The following QTMAN variants were observed in gnomAD, a reference collection of about 807,000 sequenced individuals.
The protein encoded by QTMAN is queuosine-tRNA mannosyltransferase.
chr2:143,994,009 G>C, the QTMAN span, among the ~76,000 whole-genome samples: 2 of 152,090 alleles, frequency 1.3e-5, no homozygotes, highest in African/African-American at 4.8e-5. Flanking sequence ...GGCTCCTAAA[G>C]GTTATACATT....
At chr2:143,970,732 A>T in the QTMAN span, 2 of 1,600,802 alleles carry the variant, frequency 1.2e-6, no homozygotes, top group Admixed American at 1.7e-5. Context: ...TTAATACCTT[A>T]AAAAAGCTTT....
chr2:144,326,047 G>T, the QTMAN span, among the ~76,000 whole-genome samples: 1 of 152,094 alleles, frequency 6.6e-6, no homozygotes. Flanking sequence ...GCATTTAAAG[G>T]CCTTTTAATG....
chr2:144,248,730 TAA>T, the QTMAN span, among the ~76,000 whole-genome samples: 3 of 151,380 alleles, frequency 2.0e-5, no homozygotes, highest in South Asian at 2.1e-4. Context: ...ACAATCTGAG[TAA>T]AGTCTTTTTT....
At chr2:144,177,471 G>A in the QTMAN span, among the ~76,000 whole-genome samples, 17 of 152,058 alleles carry the variant, frequency 1.1e-4, no homozygotes, top group South Asian at 3.1e-3. Context: ...ATGCCTATAC[G>A]ACAGCAAAGT....
At chr2:144,094,436 T>A in the QTMAN span, among the ~76,000 whole-genome samples, 1 of 152,232 alleles carries the variant, frequency 6.6e-6, no homozygotes, top group Non-Finnish European at 1.5e-5. Context: ...TATCCAAGAC[T>A]GAGTAATTTC....
chr2:144,182,840 T>TATTATATGTATATGTAATA, the QTMAN span, among the ~76,000 whole-genome samples: 1 of 64,524 alleles, frequency 1.5e-5, no homozygotes, highest in African/African-American at 6.5e-5. Context: ...TATATATATA[T>TATTATATGTATATGTAATA]TATATATATA....
At chr2:143,942,885 T>C in the QTMAN span, 1 of 155,772 alleles carries the variant, frequency 6.4e-6, no homozygotes, top group African/African-American at 2.4e-5. Flanking sequence ...GATAGCCTGA[T>C]AGCAAAACTA....
At chr2:144,134,924 C>A in the QTMAN span, among the ~76,000 whole-genome samples, 36 of 151,900 alleles carry the variant, frequency 2.4e-4, 1 homozygote, top group African/African-American at 8.5e-4. Flanking sequence ...AAAATTTTAA[C>A]TTTTTCCATA....
the QTMAN span, among the ~76,000 whole-genome samples, chr2:144,126,433 A>G: frequency 9.2e-5 from 14 of 151,956 alleles, no homozygotes; most frequent in Non-Finnish European, 1.8e-4. Context: ...AACCACTGCT[A>G]TGAGCTATAT....
At chr2:144,198,226 A>C in the QTMAN span, among the ~76,000 whole-genome samples, 2 of 152,140 alleles carry the variant, frequency 1.3e-5, no homozygotes, top group African/African-American at 4.8e-5. Flanking sequence ...TAAAAAAAAA[A>C]AACAAAATAC....
the QTMAN span, among the ~76,000 whole-genome samples, chr2:144,282,152 T>C: frequency 1.3e-5 from 2 of 152,140 alleles, no homozygotes; most frequent in Non-Finnish European, 2.9e-5. Flanking sequence ...ACATTATTAA[T>C]AGTTTCTAAA....
chr2:143,991,333 C>T, the QTMAN span, among the ~76,000 whole-genome samples: 1 of 152,084 alleles, frequency 6.6e-6, no homozygotes. Flanking sequence ...AAGACAAAGA[C>T]AAGATCTTTA....
chr2:143,987,315 A>G, the QTMAN span, among the ~76,000 whole-genome samples: 1 of 152,174 alleles, frequency 6.6e-6, no homozygotes, highest in Non-Finnish European at 1.5e-5. Flanking sequence ...AAAGACAAAC[A>G]CTATTTCCAT....
the QTMAN span, among the ~76,000 whole-genome samples, chr2:144,126,286 A>T: frequency 6.9e-6 from 1 of 145,320 alleles, no homozygotes; most frequent in Non-Finnish European, 1.5e-5. Context: ...TTGTGAACTT[A>T]AAAAAAAAAA....
chr2:144,048,676 G>A, the QTMAN span, among the ~76,000 whole-genome samples: 3 of 151,930 alleles, frequency 2.0e-5, no homozygotes, highest in Non-Finnish European at 4.4e-5. Flanking sequence ...ATTAGGTATC[G>A]ACCTATGATC....
the QTMAN span, chr2:143,952,899 G>T: frequency 9.3e-7 from 1 of 1,080,928 alleles, no homozygotes; most frequent in Non-Finnish European, 1.4e-6. Flanking sequence ...TACCATCATA[G>T]CCAGAAAGTG....
the QTMAN span, among the ~76,000 whole-genome samples, chr2:144,260,510 G>A: frequency 1.3e-5 from 2 of 151,686 alleles, no homozygotes; most frequent in Non-Finnish European, 2.9e-5. Flanking sequence ...AGCTTGATAG[G>A]GCAATATTAT....
chr2:143,998,255 A>C, the QTMAN span, among the ~76,000 whole-genome samples: 1 of 152,082 alleles, frequency 6.6e-6, no homozygotes, highest in Non-Finnish European at 1.5e-5. Context: ...AGATCACAAT[A>C]AATTATTTCC....
chr2:144,275,593 G>C, the QTMAN span, among the ~76,000 whole-genome samples: 1 of 151,984 alleles, frequency 6.6e-6, no homozygotes. Context: ...ACCACCTCAG[G>C]TCAGTTCCCA....
Sources: allele counts gnomAD v4.1 joint callset (sites outside exome capture counted in the v4.1 genomes callset), GRCh38; gene constraint gnomAD v4.1.1; transcripts MANE v1.5; gene names NCBI Gene and HGNC (gene_info 2026-07-23, HGNC 2026-07-21).